The following ENPP1 variants were observed in gnomAD, a reference collection of about 807,000 sequenced individuals.
The protein encoded by ENPP1 is ectonucleotide pyrophosphatase/phosphodiesterase 1, also known as ectonucleotide pyrophosphatase/phosphodiesterase family member 1.
Under a neutral mutation model 122.8 loss-of-function variants are expected in ENPP1, and 73 were observed. The observed-to-expected ratio is 0.59, with a 90% CI of 0.49 to 0.72. The LOEUF is 0.72. Ranked by LOEUF, ENPP1 falls within the 30% of genes least tolerant of loss-of-function variation. The pLI is 0.00. For missense variants in ENPP1, 978 were observed against 1,128.1 expected (o/e 0.87, Z 1.91); for synonymous variants, 367 against 391.6 (o/e 0.94, Z 0.74).
Position 131,893,384 on chromosome 6 carries a change from GACA to G in ENPP1, c.*2874_*2876del, listed in dbSNP as rs1782498217. On this transcript the variant is annotated 3_prime_UTR_variant, in exon 25 of 25. Coordinates refer to ENST00000647893, the MANE Select transcript of ENPP1 (RefSeq NM_006208.3). ...GAGGGGTGCCAGGCTGCACAAAAGA[GACA>G]CTGGATGCTTCTTGGTAGTAGAGGC... The G allele has an allele frequency of 6.6e-6, 1 of 152,290 alleles. No homozygotes were observed. Among genetic ancestry groups the G allele is most frequent in the Admixed American group, 6.5e-5 (1 of 15,286 alleles). The allele number at this position is 152,290 out of a possible 1,614,324, so 9.4% of individuals were successfully genotyped here.
chr6:131,814,867 A>G (rs774296910), intron 1 of ENPP1, among the ~76,000 whole-genome samples: 16 of 152,238 alleles, frequency 1.1e-4, no homozygotes, highest in East Asian at 1.9e-4. Flanking sequence ...TGTTGTTTTT[A>G]CTATTAGGCA....
Position 131,859,196 on chromosome 6 carries a change from T to C in ENPP1, c.795+449T>C, listed in dbSNP as rs543913777. On this transcript the variant is annotated intron_variant, in intron 7 of 24. Transcript: ENST00000647893. ...TGTTTTTGTTTCAGTGTTTCCAGAT[T>C]TAATTTGAGTCAAATAAAACAGTAG... is the stretch of plus-strand genomic sequence containing the variant. Among the ~76,000 whole-genome samples, 4 of 152,282 alleles carry C rather than the reference T, an allele frequency of 2.6e-5. No homozygotes were observed. In the South Asian group the frequency reaches 8.3e-4, roughly 32 times the overall value.
intron 8 of ENPP1, among the ~76,000 whole-genome samples, chr6:131,860,996 A>G (rs898170917): frequency 6.6e-6 from 1 of 152,212 alleles, no homozygotes; most frequent in African/African-American, 2.4e-5. Flanking sequence ...AATTGCCACA[A>G]TAATTATATA....
At chr6:131,875,971 GA>G in intron 17 of ENPP1, 108 bp downstream of exon 17, 1 of 841,152 alleles carries the variant, frequency 1.2e-6, no homozygotes, top group East Asian at 2.5e-5. Context: ...GGTGAGGCAA[GA>G]CAGATTTTTA....
intron 1 of ENPP1, among the ~76,000 whole-genome samples, chr6:131,822,873 T>C (rs1781499625): frequency 6.6e-6 from 1 of 152,210 alleles, no homozygotes; most frequent in African/African-American, 2.4e-5. Context: ...TTATGTCTCT[T>C]TTTCATGGTT....
In ENPP1 at chr6:131,851,473, C is replaced by G. The variant is rs1003685284; in HGVS notation, c.556+206C>G. The G allele has an allele frequency of 3.5e-5, 20 of 573,406 alleles. No individual in the cohort carries two copies. The African/African-American group carries it at 3.6e-4, about 10-fold the overall frequency. The allele number at this position is 573,406 out of a possible 1,614,324, so 35.5% of individuals were successfully genotyped here. On this transcript the variant is annotated intron_variant, in intron 4 of 24. Coordinates refer to ENST00000647893, the MANE Select transcript of ENPP1 (RefSeq NM_006208.3). ...TATGTAATGAACATTATACCCATCA[C>G]CCAGCTTCATAATTATGATTATGTG...
At chr6:131,867,924 TTTC>T in intron 11 of ENPP1, 91 bp from the exon 12 acceptor site, 3 of 899,194 alleles carry the variant, frequency 3.3e-6, no homozygotes, top group Middle Eastern at 2.2e-4. Flanking sequence ...TCTTTGTTTC[TTTC>T]TTTTTTTTTT....
chr6:131,866,007 A>G (rs77972139), intron 11 of ENPP1, among the ~76,000 whole-genome samples: 39 of 150,384 alleles, frequency 2.6e-4, no homozygotes, highest in African/African-American at 7.5e-4. Context: ...AAAAAAAAAA[A>G]AGAGAAAAAG....
At chr6:131,842,778 G>C (rs1434243320) in intron 1 of ENPP1, among the ~76,000 whole-genome samples, 1 of 152,116 alleles carries the variant, frequency 6.6e-6, no homozygotes, top group African/African-American at 2.4e-5. Context: ...CTGGTCTTTA[G>C]TACAGGGACT....
intron 17 of ENPP1, 107 bp downstream of exon 17, chr6:131,875,970 A>T: frequency 1.2e-6 from 1 of 849,966 alleles, no homozygotes; most frequent in East Asian, 2.5e-5. Flanking sequence ...TGGTGAGGCA[A>T]GACAGATTTT....
Position 131,879,860 on chromosome 6 carries a change from T to TA in ENPP1, c.1946-20_1946-19insA. ...ATATAATGCACACTAACTACATTTATTTTCATCCTGTGACCCAAGAGAAGA... is the reference window on the plus strand; with the variant it reads ...ATATAATGCACACTAACTACATTTATATTTCATCCTGTGACCCAAGAGAAGA... On this transcript the variant is annotated intron_variant, in intron 19 of 24. Transcript: ENST00000647893. 1 of 1,609,452 alleles carries TA rather than the reference T, an allele frequency of 6.2e-7. No homozygotes were observed.
intron 2 of ENPP1, among the ~76,000 whole-genome samples, chr6:131,849,345 T>C (rs1205987344): frequency 3.3e-5 from 5 of 151,944 alleles, no homozygotes; most frequent in Non-Finnish European, 7.4e-5. Context: ...AAGGACAAGG[T>C]TTTATATGAG....
chr6:131,851,024 G>A, intron 3 of ENPP1, 118 bp from the exon 4 acceptor site: 2 of 1,126,808 alleles, frequency 1.8e-6, no homozygotes, highest in Non-Finnish European at 2.7e-6. Flanking sequence ...GTGACTAAGA[G>A]CTGTGAAATT....
rs2114722383 is a variant in ENPP1 at position 131,878,557 on chromosome 6, G to C, written c.1909G>C (p.Asp637His). 3.1e-6 allele frequency: 5 copies of C among 1,612,438 alleles called. No homozygotes were observed. Among genetic ancestry groups the C allele is most frequent in the Non-Finnish European group, 4.2e-6 (5 of 1,178,662 alleles). Residue 637 changes from aspartate (D) to histidine (H), a missense_variant, in exon 19 of 25, where the codon GAT (aspartate) becomes CAT (histidine). Transcript: ENST00000647893. Reference protein sequence around the residue: ...SCNPSILPIEDFQTQFNLTVA... With the variant: ...SCNPSILPIEHFQTQFNLTVA... Reference sequence around the variant, plus strand: ...CCTTTTTTAGATTTTGCCGATTGAGGATTTTCAAACACAGTTCAATCTGAC... The same window carrying C: ...CCTTTTTTAGATTTTGCCGATTGAGCATTTTCAAACACAGTTCAATCTGAC...
chr6:131,826,708 A>C (rs1781550236), intron 1 of ENPP1: 1 of 569,866 alleles, frequency 1.8e-6, no homozygotes, highest in South Asian at 1.9e-5. Flanking sequence ...TTCTTCAGTG[A>C]AGGCAAGAGG....
rs1781697540 is a variant in ENPP1 at position 131,837,936 on chromosome 6, C to G, written c.241-9840C>G. On this transcript the variant is annotated intron_variant, in intron 1 of 24. Transcript: ENST00000647893. ...TCTAGAAATTTTATTTTTTTACTTT[C>G]TAGATCTTTTTTAAAATAATATACT... 2.0e-5 allele frequency among the ~76,000 whole-genome samples: 3 copies of G among 151,784 alleles called. No individual in the cohort carries two copies. In the South Asian group the frequency reaches 6.2e-4, roughly 32 times the overall value.
chr6:131,877,855 A>AAC (rs1562183289), intron 18 of ENPP1: 1 of 108,876 alleles, frequency 9.2e-6, no homozygotes, highest in East Asian at 2.3e-4. Flanking sequence ...AAAAAAAAAA[A>AAC]AAAAAAAAAA....
At position 131,869,375 on chromosome 6, in the gene ENPP1, T is replaced by C; in HGVS notation, c.1291T>C (p.Cys431Arg). The change falls in exon 13 of 25, where the codon TGT (cysteine) becomes CGT (arginine). Residue 431 changes from cysteine (C) to arginine (R), a missense_variant. By Grantham distance (180) the Cys-to-Arg change is radical. This residue lies in a region of ENPP1 where 644 missense variants were observed against 781.5 expected (regional missense o/e 0.82). Coordinates refer to ENST00000647893, the MANE Select transcript of ENPP1 (RefSeq NM_006208.3). ...ISDHGMEQGS[C>R]KKYIYLNKYL... is the part of the protein sequence containing the mutation. ...TCTCCTAGGCATGGAACAAGGCAGT[T>C]GTAAGAAATACATATATCTGAATAA... 6.2e-7 allele frequency: 1 copy of C among 1,613,588 alleles called. No individual in the cohort carries two copies. The highest frequency in any genetic ancestry group is 8.5e-7 in the Non-Finnish European group (1 of 1,179,644).
chr6:131,870,861 A>T (rs1782153028), intron 13 of ENPP1, among the ~76,000 whole-genome samples: 1 of 152,130 alleles, frequency 6.6e-6, no homozygotes, highest in Admixed American at 6.5e-5. Flanking sequence ...GGCGGATCAT[A>T]AGGTTAAGAG....
Sources: allele counts gnomAD v4.1 joint callset (sites outside exome capture counted in the v4.1 genomes callset), GRCh38; gene constraint gnomAD v4.1.1; regional missense constraint gnomAD v4.1.1; transcripts MANE v1.5; gene names NCBI Gene and HGNC (gene_info 2026-07-23, HGNC 2026-07-21).